The following SMC2 variants were observed in gnomAD, a reference collection of about 807,000 sequenced individuals.
SMC2 encodes the protein structural maintenance of chromosomes 2.
In SMC2, 41 loss-of-function variants were observed where a neutral mutation model predicts 142.6. The observed-to-expected ratio is 0.29, with a 90% confidence interval of 0.22 to 0.37. The LOEUF is 0.37. Ranked by LOEUF, SMC2 falls within the 10% of genes least tolerant of loss-of-function variation. SMC2 has a pLI of 1.00. For synonymous variants in SMC2, 463 were observed against 457.5 expected (o/e 1.01, Z -0.15); for missense variants, 1,265 against 1,373.7 (o/e 0.92, Z 1.25).
At chr9:104,097,242 G>A (rs991414913) in intron 3 of SMC2, among the ~76,000 whole-genome samples, 2 of 149,462 alleles carry the variant, frequency 1.3e-5, no homozygotes, top group Non-Finnish European at 3.0e-5. Flanking sequence ...GACTACAGGT[G>A]CCCACCACCA....
chr9:104,102,451 G>C lies in SMC2; in HGVS notation c.898G>C (p.Glu300Gln). ...AACTGGAGGTATACTTCGATCTTTA[G>C]AAGATGCTCTTGCAGAGGCTCAGCG... ...KETGGILRSL[E>Q]DALAEAQRVN... The change falls in exon 9 of 25, where the codon GAA (glutamate) becomes CAA (glutamine). Residue 300 changes from glutamate (E) to glutamine (Q), a missense_variant. This residue lies in a region of SMC2 where 898 missense variants were observed against 904.2 expected (regional missense o/e 0.99). Transcript: ENST00000374793. 1 of 1,610,496 alleles carries C rather than the reference G, an allele frequency of 6.2e-7. No individual in the cohort carries two copies. Among genetic ancestry groups the C allele is most frequent in the Non-Finnish European group, 8.5e-7 (1 of 1,178,768 alleles).
intron 17 of SMC2, 127 bp downstream of exon 17, chr9:104,123,359 G>A (rs1356716313): frequency 1.0e-5 from 9 of 876,858 alleles, no homozygotes; most frequent in Non-Finnish European, 1.5e-5. Context: ...GAAAATCCAA[G>A]TATGGGATTT....
At chr9:104,088,463 C>A in the SMC2 span, among the ~76,000 whole-genome samples, 1 of 151,880 alleles carries the variant, frequency 6.6e-6, no homozygotes, top group East Asian at 1.9e-4. Context: ...GAAGAGGTTG[C>A]AAGTAACTCG....
rs1832490648 is a variant in SMC2, at chr9:104,111,879, C to T, written c.1254+65C>T. ...CCAAGAAGTTTCTTTTCATGTTATG[C>T]TTTGGCAATTGTTACATAATGTTGA... is the stretch of plus-strand genomic sequence containing the variant. On this transcript the variant is annotated intron_variant, in intron 10 of 24. Transcript: ENST00000374793. 7.0e-6 allele frequency: 8 copies of T among 1,150,402 alleles called. 1 individual carries two copies. Among genetic ancestry groups the T allele is most frequent in the Non-Finnish European group, 8.6e-6 (7 of 809,276 alleles). 71.3% of individuals were successfully genotyped at this position (1,150,402 alleles called of 1,614,324 possible). A position where few individuals can be genotyped will look rare whatever the true frequency, so the allele number is the denominator to read the frequency against.
At chr9:104,105,788 C>A (rs574128033) in intron 9 of SMC2, among the ~76,000 whole-genome samples, 188 of 152,262 alleles carry the variant, frequency 1.2e-3, no homozygotes, top group African/African-American at 4.3e-3. Context: ...CTAGCAGGAC[C>A]AGATTGTCCC....
intron 9 of SMC2, among the ~76,000 whole-genome samples, chr9:104,103,710 G>T (rs1290891804): frequency 6.6e-6 from 1 of 152,198 alleles, no homozygotes; most frequent in Admixed American, 6.5e-5. Context: ...TTGTCCCAGT[G>T]AAGGTATACA....
intron 16 of SMC2, among the ~76,000 whole-genome samples, chr9:104,120,670 T>G (rs1396143573): frequency 6.6e-6 from 1 of 152,242 alleles, no homozygotes; most frequent in Non-Finnish European, 1.5e-5. Flanking sequence ...CAGTGTTTCC[T>G]TACAGTATTT....
chr9:104,113,551 A>AC, intron 11 of SMC2, 76 bp downstream of exon 11: 1 of 1,197,870 alleles, frequency 8.3e-7, no homozygotes. Flanking sequence ...TAAATAAAGA[A>AC]CGCAAGCAAG....
intron 23 of SMC2, among the ~76,000 whole-genome samples, chr9:104,136,477 T>A (rs1434676468): frequency 6.6e-6 from 1 of 152,100 alleles, no homozygotes; most frequent in East Asian, 1.9e-4. Context: ...AAATAGAAAA[T>A]GTATGCTTCT....
rs374072748 is a variant in SMC2 at position 104,127,484 on chromosome 9, T to C, written c.2790+4T>C. On this transcript the variant is annotated splice_donor_region_variant and intron_variant, in intron 20 of 24. Coordinates refer to ENST00000374793, the MANE Select transcript of SMC2 (RefSeq NM_006444.3). ...GGCTGAAGATGGTGCTGCAAAGGTA[T>C]ACGTTTGTGTGCATTTTTTATACTA... 3.3e-6 allele frequency: 5 copies of C among 1,531,756 alleles called. No individual in the cohort carries two copies. Among genetic ancestry groups the C allele is most frequent in the Admixed American group, 2.1e-5 (1 of 47,218 alleles). 94.9% of individuals were successfully genotyped at this position (1,531,756 alleles called of 1,614,324 possible). A position where few individuals can be genotyped will look rare whatever the true frequency, so the allele number is the denominator to read the frequency against.
chr9:104,135,817 A>G, intron 23 of SMC2: 1 of 518,580 alleles, frequency 1.9e-6, no homozygotes, highest in Non-Finnish European at 3.9e-6. Flanking sequence ...TTAGAATTGT[A>G]TATCTAACAG....
At chr9:104,133,125 TTTTGTTTTTGG>T (rs1477393619) in intron 22 of SMC2, among the ~76,000 whole-genome samples, 1 of 152,150 alleles carries the variant, frequency 6.6e-6, no homozygotes, top group Non-Finnish European at 1.5e-5. Context: ...TCTAGGCTTT[TTTTGTTTTTGG>T]TTTGTTTTCT....
At chr9:104,116,657 T>G (rs1268699918) in intron 14 of SMC2, among the ~76,000 whole-genome samples, 1 of 152,166 alleles carries the variant, frequency 6.6e-6, no homozygotes, top group African/African-American at 2.4e-5. Context: ...TTTGTTTTTG[T>G]TTCTTTTTAT....
chr9:104,102,685 A>G (rs1831301749), intron 9 of SMC2, 112 bp downstream of exon 9: 1 of 1,154,976 alleles, frequency 8.7e-7, no homozygotes, highest in Non-Finnish European at 1.2e-6. Context: ...TAAGCTAAGT[A>G]CAGTTGTTTG....
rs1369515284 is a variant in SMC2, at chr9:104,127,505, T to A, written c.2790+25T>A. ...GGTATACGTTTGTGTGCATTTTTTA[T>A]ACTAAATCAAATTTTTGTTACTGAG... On this transcript the variant is annotated intron_variant, in intron 20 of 24. Transcript: ENST00000374793. The A allele has an allele frequency of 3.4e-6, 5 of 1,467,014 alleles. No individual in the cohort carries two copies. In the Admixed American group the frequency reaches 1.1e-4, roughly 34 times the overall value. The allele number at this position is 1,467,014 out of a possible 1,614,324, so 90.9% of individuals were successfully genotyped here.
chr9:104,089,593 G>A (rs564647799), upstream of SMC2, among the ~76,000 whole-genome samples: 5 of 152,240 alleles, frequency 3.3e-5, no homozygotes, highest in South Asian at 8.3e-4. Flanking sequence ...AGGATAGCTG[G>A]AAAAACAGAA....
chr9:104,131,883 CT>C, intron 21 of SMC2, 125 bp from the exon 22 acceptor site: 3 of 585,448 alleles, frequency 5.1e-6, no homozygotes, highest in Non-Finnish European at 6.1e-6. Flanking sequence ...TGCATTATAT[CT>C]TTTTGGTAAA....
At chr9:104,102,615 G>C in intron 9 of SMC2, 42 bp downstream of exon 9, 1 of 1,577,270 alleles carries the variant, frequency 6.3e-7, no homozygotes, top group South Asian at 1.2e-5. Context: ...TTGTAGACAA[G>C]TATATAGTCT....
At chr9:104,111,140 CT>C (rs1346843188) in intron 9 of SMC2, among the ~76,000 whole-genome samples, 1 of 152,058 alleles carries the variant, frequency 6.6e-6, no homozygotes, top group Non-Finnish European at 1.5e-5. Flanking sequence ...AATAGTAATA[CT>C]TTTTCTGAAA....
Sources: gnomAD v4.1 joint callset for allele counts (sites outside exome capture counted in the v4.1 genomes callset) on GRCh38, gnomAD v4.1.1 for gene constraint, gnomAD v4.1.1 regional missense constraint, MANE v1.5 for transcripts, NCBI Gene and HGNC (gene_info 2026-07-23, HGNC 2026-07-21) for gene names.